The following NCK1 variants were observed in gnomAD, a reference collection of about 807,000 sequenced individuals.
The protein encoded by NCK1 is NCK adaptor protein 1.
Under a neutral mutation model 36.6 loss-of-function variants are expected in NCK1, and 19 were observed. That is an observed-to-expected ratio of 0.52 (90% CI 0.36 to 0.76). NCK1 has a LOEUF of 0.76. NCK1 is among the 30% of genes least tolerant of loss of function. The pLI, the probability that NCK1 is intolerant of heterozygous loss-of-function variation, is 0.00. For synonymous variants in NCK1, 165 were observed against 156.0 expected, an observed-to-expected ratio of 1.06 and a Z score of -0.43; for missense variants, 358 against 445.6, an observed-to-expected ratio of 0.80 and a Z score of 1.77.
chr3:136,914,579 A>G (rs1261955601), intron 1 of NCK1, among the ~76,000 whole-genome samples: 1 of 152,248 alleles, frequency 6.6e-6, no homozygotes, highest in Non-Finnish European at 1.5e-5. Flanking sequence ...TAGTAAGTTC[A>G]TTATAACTCA....
chr3:136,935,750 A>G (rs930809135), intron 2 of NCK1, among the ~76,000 whole-genome samples: 1 of 152,202 alleles, frequency 6.6e-6, no homozygotes, highest in Non-Finnish European at 1.5e-5. Context: ...TAACCATTTT[A>G]AAGTATGTAA....
At chr3:136,867,163 TCC>T (rs1938465426) in intron 1 of NCK1, among the ~76,000 whole-genome samples, 2 of 64,474 alleles carry the variant, frequency 3.1e-5, no homozygotes, top group Admixed American at 2.1e-4. Context: ...CTTCCTTCCT[TCC>T]TTCCTTCCTT....
At chr3:136,907,215 T>C (rs1452027664) in intron 1 of NCK1, among the ~76,000 whole-genome samples, 1 of 152,162 alleles carries the variant, frequency 6.6e-6, no homozygotes, top group Admixed American at 6.5e-5. Context: ...CCCCCTCTGC[T>C]GCAGTGTAGG....
intron 2 of NCK1, 52 bp from the exon 3 acceptor site, chr3:136,945,531 T>C: frequency 7.7e-7 from 1 of 1,291,754 alleles, no homozygotes; most frequent in African/African-American, 1.5e-5. Context: ...TTCATTCTTT[T>C]GGTAATCATT....
rs1220352276 is a variant in NCK1 at position 136,950,193 on chromosome 3, A to G, written c.*1740A>G. On this transcript the variant is annotated 3_prime_UTR_variant, in exon 4 of 4. Transcript: ENST00000481752. ...TAAACATCATCTTAATTTTTAACAT[A>G]TATTTGATGATGCTTTCCTTTTCTC... 2.6e-5 allele frequency among the ~76,000 whole-genome samples: 4 copies of G among 152,128 alleles called. No homozygotes were observed. The highest frequency in any genetic ancestry group is 5.9e-5 in the Non-Finnish European group (4 of 67,974).
intron 1 of NCK1, among the ~76,000 whole-genome samples, chr3:136,925,564 C>G (rs1940216627): frequency 6.6e-6 from 1 of 152,180 alleles, no homozygotes; most frequent in African/African-American, 2.4e-5. Flanking sequence ...TAATCTGTTT[C>G]TAATTTCCAT....
intron 1 of NCK1, among the ~76,000 whole-genome samples, chr3:136,883,751 T>C (rs954964279): frequency 1.3e-5 from 2 of 152,162 alleles, no homozygotes; most frequent in African/African-American, 2.4e-5. Flanking sequence ...AGGGCTCTTA[T>C]GATAATTTAG....
intron 1 of NCK1, among the ~76,000 whole-genome samples, chr3:136,888,311 AG>A (rs1348686256): frequency 6.6e-6 from 1 of 152,068 alleles, no homozygotes; most frequent in African/African-American, 2.4e-5. Context: ...GGTTTTATTG[AG>A]ATATGATTCA....
intron 1 of NCK1, among the ~76,000 whole-genome samples, chr3:136,897,616 T>C (rs1939423970): frequency 6.6e-6 from 1 of 152,192 alleles, no homozygotes; most frequent in South Asian, 2.1e-4. Flanking sequence ...CCTTGTATAT[T>C]CTAGGTATTA....
chr3:136,891,106 A>G (rs891064073), intron 1 of NCK1, among the ~76,000 whole-genome samples: 1 of 152,184 alleles, frequency 6.6e-6, no homozygotes, highest in African/African-American at 2.4e-5. Flanking sequence ...CGTTGAATCT[A>G]TATTTACCAC....
chr3:136,867,258 T>TCG (rs1938477329), intron 1 of NCK1, among the ~76,000 whole-genome samples: 1 of 148,292 alleles, frequency 6.7e-6, no homozygotes, highest in African/African-American at 2.5e-5. Flanking sequence ...CGTCTGTCTC[T>TCG]CTCTCTCTTT....
intron 1 of NCK1, among the ~76,000 whole-genome samples, chr3:136,870,203 G>A (rs919508935): frequency 6.6e-6 from 1 of 151,752 alleles, no homozygotes; most frequent in Admixed American, 6.6e-5. Context: ...TTAGCTGGGC[G>A]TGGTGGTGCA....
Position 136,900,469 on chromosome 3 carries a change from A to G in NCK1, c.-18-27515A>G, listed in dbSNP as rs147330914. 3.9e-5 allele frequency among the ~76,000 whole-genome samples: 6 copies of G among 152,276 alleles called. No homozygotes were observed. In the East Asian group the frequency reaches 1.2e-3, roughly 29 times the overall value. The stretch of plus-strand genomic sequence containing the variant: ...TTCTTCTATTTCTGTGAAAAAAGAC[A>G]TTGGTATTTTGATAGCCATTGCATT... On this transcript the variant is annotated intron_variant, in intron 1 of 3. Coordinates refer to ENST00000481752, the MANE Select transcript of NCK1 (RefSeq NM_001291999.2).
intron 1 of NCK1, among the ~76,000 whole-genome samples, chr3:136,893,032 G>A (rs1285743066): frequency 6.7e-6 from 1 of 149,456 alleles, no homozygotes; most frequent in Non-Finnish European, 1.5e-5. Flanking sequence ...GAGAATATAC[G>A]ATGTTTGGTT....
chr3:136,876,897 T>G (rs970689153), intron 1 of NCK1, among the ~76,000 whole-genome samples: 5 of 152,222 alleles, frequency 3.3e-5, no homozygotes, highest in Admixed American at 3.3e-4. Flanking sequence ...TACAGATGTT[T>G]ATTTAAAATG....
intron 1 of NCK1, among the ~76,000 whole-genome samples, chr3:136,889,624 G>C (rs906762272): frequency 1.3e-5 from 2 of 152,058 alleles, no homozygotes; most frequent in Admixed American, 6.6e-5. Context: ...TGGTAGAGCT[G>C]AGTGGTCTGT....
chr3:136,879,969 C>A, intron 1 of NCK1, among the ~76,000 whole-genome samples: 1 of 125,800 alleles, frequency 7.9e-6, no homozygotes, highest in East Asian at 2.6e-4. Context: ...TGCACATGTA[C>A]CCTAGAACTT....
rs981972984 is a variant in NCK1 at position 136,870,696 on chromosome 3, A to C, written c.-19+8343A>C. On this transcript the variant is annotated intron_variant, in intron 1 of 3. Coordinates refer to ENST00000481752, the MANE Select transcript of NCK1 (RefSeq NM_001291999.2). ...TCTTAGCTATAGTCTTTAAAAAAAAAAAAAAAAAAAAGGCCTGTGAGGTCT... is the reference window on the plus strand; with the variant it reads ...TCTTAGCTATAGTCTTTAAAAAAAACAAAAAAAAAAAGGCCTGTGAGGTCT... 9.3e-5 allele frequency among the ~76,000 whole-genome samples: 14 copies of C among 151,156 alleles called. 1 individual carries two copies. Among genetic ancestry groups the C allele is most frequent in the Admixed American group, 9.2e-4 (14 of 15,240 alleles).
At chr3:136,902,026 A>G (rs1329231226) in intron 1 of NCK1, among the ~76,000 whole-genome samples, 1 of 151,980 alleles carries the variant, frequency 6.6e-6, no homozygotes, top group Non-Finnish European at 1.5e-5. Flanking sequence ...TTTTTGCTGT[A>G]TCTCATAGAT....
Sources: allele counts gnomAD v4.1 joint callset (sites outside exome capture counted in the v4.1 genomes callset), GRCh38; gene constraint gnomAD v4.1.1; transcripts MANE v1.5; gene names NCBI Gene and HGNC (gene_info 2026-07-23, HGNC 2026-07-21).